Variants in CDON observed in about 807,000 individuals in gnomAD.
The protein encoded by CDON is cell adhesion associated, oncogene regulated, also known as cell adhesion molecule-related/down-regulated by oncogenes.
Under a neutral mutation model 120.9 loss-of-function variants are expected in CDON, and 73 were observed. That is an observed-to-expected ratio of 0.60 (90% confidence interval 0.50 to 0.73). The LOEUF (loss-of-function observed/expected upper bound fraction) is 0.73. CDON is among the 30% of genes least tolerant of loss of function. CDON has a pLI of 0.00. For missense variants in CDON, 1,470 were observed against 1,587.3 expected (o/e 0.93, Z 1.26); for synonymous variants, 566 against 573.5 (o/e 0.99, Z 0.19).
Position 126,015,475 on chromosome 11 carries a change from T to G in CDON, c.964A>C (p.Ile322Leu). The stretch of plus-strand genomic sequence containing the variant: ...TGTACTGTGGCACCCAGAGACACTA[T>G]CTGATCCTGTAGTCCTTTAGAAATG... ...ASISKGLQDQ[I>L]VSLGATVHFT... Residue 322 changes from isoleucine (I) to leucine (L), a missense_variant, in exon 7 of 20, where the codon ATA (isoleucine) becomes CTA (leucine). Transcript: ENST00000531738. The G allele has an allele frequency of 6.2e-7, 1 of 1,614,080 alleles. No individual in the cohort carries two copies. The highest frequency in any genetic ancestry group is 8.5e-7 in the Non-Finnish European group (1 of 1,179,962).
chr11:126,015,414 T>G lies in CDON; in HGVS notation c.1025A>C (p.Asn342Thr). 1 of 1,614,116 alleles carries G rather than the reference T, an allele frequency of 6.2e-7. No individual in the cohort carries two copies. The highest frequency in any genetic ancestry group is 8.5e-7 in the Non-Finnish European group (1 of 1,180,016). Residue 342 changes from asparagine (N) to threonine (T), a missense_variant, in exon 7 of 20, where the codon AAC (asparagine) becomes ACC (threonine). Asn to Thr is a moderately conservative substitution (Grantham distance 65). Coordinates refer to ENST00000531738, the MANE Select transcript of CDON (RefSeq NM_001378964.1). ...TCDVHGNPAPNCTWFHNAQPI... is the reference protein window; with the variant it reads ...TCDVHGNPAPTCTWFHNAQPI... ...CTGTGCATTGTGAAACCAGGTACAG[T>G]TGGGGGCTGGGTTCCCATGAACGTC... is the stretch of plus-strand genomic sequence containing the variant.
At chr11:126,031,414 GA>G (rs1217767274) in intron 1 of CDON, among the ~76,000 whole-genome samples, 2 of 152,130 alleles carry the variant, frequency 1.3e-5, no homozygotes, top group African/African-American at 4.8e-5. Context: ...AGAAACTAAA[GA>G]AAACACTCTA....
intron 7 of CDON, among the ~76,000 whole-genome samples, chr11:126,014,652 AAAC>A: frequency 6.6e-6 from 1 of 152,358 alleles, no homozygotes; most frequent in Non-Finnish European, 1.5e-5. Flanking sequence ...AAAAGATTAA[AAAC>A]AACCATCAAT....
rs1171279285 is a variant in CDON, at chr11:125,959,520, A to G, written c.*1422T>C. 2.6e-5 allele frequency: 4 copies of G among 152,178 alleles called. No homozygotes were observed. Among genetic ancestry groups the G allele is most frequent in the African/African-American group, 9.7e-5 (4 of 41,440 alleles). 9.4% of individuals were successfully genotyped at this position (152,178 alleles called of 1,614,324 possible). On this transcript the variant is annotated 3_prime_UTR_variant, in exon 20 of 20. Coordinates refer to ENST00000531738, the MANE Select transcript of CDON (RefSeq NM_001378964.1). ...GCCGTGGTCAGGAGCTCTGCTGACC[A>G]ACTTGGCTTTAGGTGCCTATTTACA... is the stretch of plus-strand genomic sequence containing the variant.
chr11:126,029,815 T>G (rs1454911612), intron 1 of CDON, among the ~76,000 whole-genome samples: 1 of 152,194 alleles, frequency 6.6e-6, no homozygotes, highest in Admixed American at 6.5e-5. Flanking sequence ...GAGAAGATGC[T>G]TAGTGGTCCC....
At chr11:125,986,651 G>A (rs561286077) in intron 15 of CDON, among the ~76,000 whole-genome samples, 2 of 152,088 alleles carry the variant, frequency 1.3e-5, no homozygotes, top group East Asian at 1.9e-4. Flanking sequence ...TGTAGTCCCA[G>A]CTACTTGGGA....
intron 1 of CDON, among the ~76,000 whole-genome samples, chr11:126,035,746 C>G (rs1015760485): frequency 1.3e-5 from 2 of 152,162 alleles, no homozygotes; most frequent in East Asian, 3.9e-4. Context: ...CAGTTAAAAC[C>G]AAAGTAACCA....
intron 18 of CDON, 35 bp from the exon 19 acceptor site, chr11:125,962,033 T>G (rs1945661242): frequency 6.6e-7 from 1 of 1,517,174 alleles, no homozygotes; most frequent in South Asian, 1.1e-5. Flanking sequence ...CAGAATTGTG[T>G]CTAGAGGAAC....
Position 125,981,057 on chromosome 11 carries a change from G to A in CDON, c.3268C>T (p.Leu1090=). 1 of 1,614,134 alleles carries A rather than the reference G, an allele frequency of 6.2e-7. No individual in the cohort carries two copies. Among genetic ancestry groups the A allele is most frequent in the Non-Finnish European group, 8.5e-7 (1 of 1,180,010 alleles). Residue 1090 remains leucine (L), a synonymous_variant, in exon 17 of 20, where the codon CTA becomes TTA. Coordinates refer to ENST00000531738, the MANE Select transcript of CDON (RefSeq NM_001378964.1). ...THVDFEHPHH[L]VNGGGMYTAV... ...ATAGTTAGGTCTCTTACATTCACTA[G>A]ATGATGAGGATGTTCAAAATCCACG...
chr11:126,029,773 T>A (rs1947897902), intron 1 of CDON, among the ~76,000 whole-genome samples: 1 of 152,138 alleles, frequency 6.6e-6, no homozygotes, highest in Non-Finnish European at 1.5e-5. Context: ...ATTCCATTCT[T>A]TTCACCGACA....
chr11:125,977,163 C>T (rs1946170708), intron 18 of CDON, among the ~76,000 whole-genome samples: 1 of 152,206 alleles, frequency 6.6e-6, no homozygotes, highest in African/African-American at 2.4e-5. Flanking sequence ...ATGTTATGAA[C>T]ATTTGCAAAA....
At position 125,959,070 on chromosome 11, in the gene CDON, T is replaced by C. The variant is rs974979527; in HGVS notation, c.*1872A>G. 10 of 152,172 alleles carry C rather than the reference T, an allele frequency of 6.6e-5. No homozygotes were observed. Among genetic ancestry groups the C allele is most frequent in the African/African-American group, 2.4e-4 (10 of 41,444 alleles). The allele number at this position is 152,172 out of a possible 1,614,324, so 9.4% of individuals were successfully genotyped here. ...GCACGGACATCTGGAATGTAGAACTTGGGTCTACAGCATCCCTAATATCCG... is the reference window on the plus strand; with the variant it reads ...GCACGGACATCTGGAATGTAGAACTCGGGTCTACAGCATCCCTAATATCCG... On this transcript the variant is annotated 3_prime_UTR_variant, in exon 20 of 20. Transcript: ENST00000531738.
intron 11 of CDON, among the ~76,000 whole-genome samples, chr11:125,999,663 A>G (rs1946885423): frequency 1.3e-5 from 2 of 152,080 alleles, no homozygotes; most frequent in African/African-American, 4.8e-5. Flanking sequence ...CCAATCCATC[A>G]TCTTTCTCCT....
chr11:126,023,392 T>A lies in CDON; in HGVS notation c.76+9A>T. ...GGCCAAACCACCCCCTCCCCAATTC[T>A]ACTCTTACCTGAACTCACAGAAGAG... On this transcript the variant is annotated intron_variant, in intron 2 of 19. Transcript: ENST00000531738. 1 of 1,582,814 alleles carries A rather than the reference T, an allele frequency of 6.3e-7. No individual in the cohort carries two copies. The highest frequency in any genetic ancestry group is 1.3e-5 in the African/African-American group (1 of 74,358).
intron 10 of CDON, 136 bp from the exon 11 acceptor site, chr11:126,001,986 A>C (rs1946960246): frequency 7.1e-6 from 5 of 700,362 alleles, no homozygotes; most frequent in Non-Finnish European, 1.3e-5. Flanking sequence ...TAAATGTAAG[A>C]CCTACTTCAT....
intron 6 of CDON, 104 bp from the exon 7 acceptor site, chr11:126,015,614 A>T: frequency 1.7e-6 from 2 of 1,210,058 alleles, no homozygotes; most frequent in Non-Finnish European, 2.4e-6. Flanking sequence ...CAGTTGAAAC[A>T]AAGTTGCATT....
intron 10 of CDON, 86 bp downstream of exon 10, chr11:126,003,816 T>C (rs1312722905): frequency 8.1e-7 from 1 of 1,238,356 alleles, no homozygotes; most frequent in East Asian, 2.4e-5. Flanking sequence ...CAAGACTCCA[T>C]CTCAAAAAAA....
chr11:125,969,945 T>G (rs1386160167), intron 18 of CDON, among the ~76,000 whole-genome samples: 2 of 152,274 alleles, frequency 1.3e-5, no homozygotes, highest in Non-Finnish European at 2.9e-5. Context: ...TTTTCTAGAA[T>G]GTATTCGAAG....
At chr11:126,050,495 AAC>A (rs10643446) in intron 1 of CDON, among the ~76,000 whole-genome samples, 21,139 of 142,888 alleles carry the variant, frequency 0.15, 1,617 homozygotes, top group East Asian at 0.33. Context: ...GTAAGTAGCA[AAC>A]ACACACACAC....
Sources: allele counts gnomAD v4.1 joint callset (sites outside exome capture counted in the v4.1 genomes callset), GRCh38; gene constraint gnomAD v4.1.1; transcripts MANE v1.5; gene names NCBI Gene and HGNC (gene_info 2026-07-23, HGNC 2026-07-21).